Variants in CR1 observed in about 807,000 individuals in gnomAD.
CR1 encodes complement receptor type 1.
Under a neutral mutation model 187.3 loss-of-function variants are expected in CR1, and 116 were observed. The observed-to-expected ratio is 0.62, with a 90% CI of 0.53 to 0.72. The LOEUF (loss-of-function observed/expected upper bound fraction) is 0.72, where lower values mean the gene tolerates loss of function less well. CR1 is among the 30% of genes least tolerant of loss of function. CR1 has a pLI of 0.00. For missense variants in CR1, 1,731 were observed against 2,110.7 expected (o/e 0.82, Z 3.52); for synonymous variants, 576 against 747.1 (o/e 0.77, Z 3.73).
At chr1:207,504,783 A>G (rs113698814) in intron 1 of CR1, among the ~76,000 whole-genome samples, 2,163 of 152,276 alleles carry the variant, frequency 0.014, 24 homozygotes, top group Middle Eastern at 0.037. Flanking sequence ...AAAGGAGCCC[A>G]TTTCTGAGGC....
At chr1:207,597,450 G>A (rs1328306885) in intron 35 of CR1, among the ~76,000 whole-genome samples, 3 of 152,150 alleles carry the variant, frequency 2.0e-5, no homozygotes, top group Non-Finnish European at 4.4e-5. Flanking sequence ...TGATAGACAT[G>A]TCTCCAAGGG....
intron 46 of CR1, among the ~76,000 whole-genome samples, chr1:207,637,313 G>C (rs1662845014): frequency 6.6e-6 from 1 of 152,136 alleles, no homozygotes; most frequent in South Asian, 2.1e-4. Flanking sequence ...TGGTAGAATT[G>C]ACCTCGAGGT....
chr1:207,505,791 G>A (rs1659409006), intron 1 of CR1, 113 bp from the exon 2 acceptor site: 6 of 1,199,014 alleles, frequency 5.0e-6, no homozygotes, highest in Non-Finnish European at 7.0e-6. Context: ...AGCCAAGATA[G>A]CGCCACTGCA....
chr1:207,599,054 C>A (rs906758287), intron 35 of CR1: 1 of 151,984 alleles, frequency 6.6e-6, no homozygotes, highest in African/African-American at 2.4e-5. Flanking sequence ...TTCTAGTATG[C>A]AAAAATACAC....
rs147516284 is a variant in CR1, at chr1:207,565,261, G to A, written c.3867-577G>A. Among the ~76,000 whole-genome samples, 14 of 150,344 alleles carry A rather than the reference G, an allele frequency of 9.3e-5. No individual in the cohort carries two copies. The East Asian group carries it at 1.7e-3, about 19-fold the overall frequency. On this transcript the variant is annotated intron_variant, in intron 23 of 46. Coordinates refer to ENST00000367049, the MANE Select transcript of CR1 (RefSeq NM_000651.6). ...AGGGTCCAAAAGACTGAGAATTTTC[G>A]ACAATTGCATACAAAAATCATGTCC... is the stretch of plus-strand genomic sequence containing the variant.
Position 207,574,277 on chromosome 1 carries a change from T to A in CR1, c.4452-1318T>A, listed in dbSNP as rs1374351614. On this transcript the variant is annotated intron_variant, in intron 27 of 46. Transcript: ENST00000367049. Reference sequence around the variant, plus strand: ...GTTTCAGGGATAGAGAAAAAAACTCTGATTCCAGAAATAAAATGTGAAAAT... The same window carrying A: ...GTTTCAGGGATAGAGAAAAAAACTCAGATTCCAGAAATAAAATGTGAAAAT... Among the ~76,000 whole-genome samples, 4 of 152,204 alleles carry A rather than the reference T, an allele frequency of 2.6e-5. No homozygotes were observed. The South Asian group carries it at 8.3e-4, about 31-fold the overall frequency.
intron 31 of CR1, among the ~76,000 whole-genome samples, chr1:207,581,589 T>G (rs911813609): frequency 6.6e-6 from 1 of 152,108 alleles, no homozygotes; most frequent in East Asian, 1.9e-4. Context: ...CAAAGATTAT[T>G]TCACAAAACT....
chr1:207,632,797 C>CA lies in CR1; in HGVS notation c.7457+2204dup, dbSNP rs55649027. ...TGGGTGACAGAGCAAGACTCCGTCT[C>CA]AAAAAAAAAAAAAAAAAAAAAAAAA... On this transcript the variant is annotated intron_variant, in intron 46 of 46. Transcript: ENST00000367049. Among the ~76,000 whole-genome samples the CA allele has an allele frequency of 6.3e-3, 682 of 107,524 alleles. 18 individuals are homozygous for CA. Among genetic ancestry groups the CA allele is most frequent in the Non-Finnish European group, 8.3e-3 (474 of 56,936 alleles). The allele number at this position is 107,524 out of a possible 152,430, so 70.5% of individuals were successfully genotyped here.
intron 40 of CR1, among the ~76,000 whole-genome samples, chr1:207,615,219 T>C (rs1662057931): frequency 6.6e-6 from 1 of 152,154 alleles, no homozygotes; most frequent in Admixed American, 6.5e-5. Context: ...GGACTTTCCA[T>C]GTGTAGAAAA....
At chr1:207,620,180 G>A in intron 43 of CR1, 115 bp downstream of exon 43, 1 of 1,063,112 alleles carries the variant, frequency 9.4e-7, no homozygotes, top group East Asian at 2.7e-5. Context: ...ATGAGCTATA[G>A]AGTACAATAT....
At chr1:207,601,936 G>A (rs1661618381) in intron 35 of CR1, among the ~76,000 whole-genome samples, 1 of 151,838 alleles carries the variant, frequency 6.6e-6, no homozygotes, top group African/African-American at 2.4e-5. Context: ...CTCACTACAT[G>A]GGCTTCTCCA....
rs576509324 is a variant in CR1, at chr1:207,640,194, C to G, written c.*785C>G. The G allele has an allele frequency of 6.6e-6, 1 of 152,350 alleles. No homozygotes were observed. Among genetic ancestry groups the G allele is most frequent in the Admixed American group, 6.5e-5 (1 of 15,304 alleles). 9.4% of individuals were successfully genotyped at this position (152,350 alleles called of 1,614,324 possible). ...AGTGCAGTGGCGTAATCTCGGCTCA[C>G]TGCAAGCTCCGCCTCCCGGGTTGAC... On this transcript the variant is annotated 3_prime_UTR_variant, in exon 47 of 47. Transcript: ENST00000367049.
At chr1:207,514,314 G>A (rs1340167282) in intron 4 of CR1, among the ~76,000 whole-genome samples, 3 of 151,944 alleles carry the variant, frequency 2.0e-5, no homozygotes, top group Admixed American at 1.3e-4. Flanking sequence ...ATACAATTTA[G>A]TGGTGTTTAG....
At position 207,515,049 on chromosome 1, in the gene CR1, GTATATATGTA is replaced by G. The variant is rs1012965315; in HGVS notation, c.487+3402_487+3411del. ...CACATATATACATATATACTTATAT[GTATATATGTA>G]TATATACGTATATACGTATGCATAC... On this transcript the variant is annotated intron_variant, in intron 4 of 46. Coordinates refer to ENST00000367049, the MANE Select transcript of CR1 (RefSeq NM_000651.6). Among the ~76,000 whole-genome samples the G allele has an allele frequency of 2.2e-5, 3 of 135,908 alleles. No individual in the cohort carries two copies. The Admixed American group carries it at 2.2e-4, about 10-fold the overall frequency. 89.2% of individuals were successfully genotyped at this position (135,908 alleles called of 152,430 possible).
chr1:207,506,644 A>C (rs759188136), intron 2 of CR1, 70 bp from the exon 3 acceptor site: 9 of 1,266,070 alleles, frequency 7.1e-6, no homozygotes, highest in Non-Finnish European at 1.0e-5. Flanking sequence ...AGGCAGGTTG[A>C]GACCTTATGT....
chr1:207,502,906 G>A (rs755599815), intron 1 of CR1, among the ~76,000 whole-genome samples: 2 of 152,082 alleles, frequency 1.3e-5, no homozygotes, highest in Non-Finnish European at 2.9e-5. Context: ...CTGAATCCGG[G>A]GCACATTCAC....
At chr1:207,613,018 T>C (rs1174825653) in intron 39 of CR1, among the ~76,000 whole-genome samples, 2 of 152,222 alleles carry the variant, frequency 1.3e-5, no homozygotes, top group Non-Finnish European at 2.9e-5. Flanking sequence ...GATCCGCTGC[T>C]GCTTCCTTTC....
intron 38 of CR1, 39 bp downstream of exon 38, chr1:207,611,892 C>A: frequency 6.2e-7 from 1 of 1,613,856 alleles, no homozygotes; most frequent in Non-Finnish European, 8.5e-7. Context: ...CTCTGTTTTC[C>A]CCTTCACATG....
chr1:207,587,268 C>A (rs187411737), intron 33 of CR1, 118 bp from the exon 34 acceptor site: 35 of 835,586 alleles, frequency 4.2e-5, no homozygotes, highest in African/African-American at 4.2e-4. Flanking sequence ...AAATCTTTTG[C>A]TATTCTTGTA....
Sources: gnomAD v4.1 joint callset for allele counts (sites outside exome capture counted in the v4.1 genomes callset) on GRCh38, gnomAD v4.1.1 for gene constraint, MANE v1.5 for transcripts, NCBI Gene and HGNC (gene_info 2026-07-23, HGNC 2026-07-21) for gene names.